PCDHGA10: variants seen among roughly 807,000 people sequenced by gnomAD.
The protein encoded by PCDHGA10 is protocadherin gamma-A10.
Under a neutral mutation model 59.5 loss-of-function variants are expected in PCDHGA10, and 42 were observed. The ratio of observed to expected loss-of-function variants is 0.71; its 90% CI spans 0.55 to 0.91. The LOEUF is 0.91. Ranked by LOEUF, PCDHGA10 falls within the 40% of genes least tolerant of loss-of-function variation. The pLI is 0.00. For missense variants in PCDHGA10, 1,111 were observed against 1,198.2 expected (o/e 0.93, Z 1.07); for synonymous variants, 511 against 517.2 (o/e 0.99, Z 0.16).
In PCDHGA10 at chr5:141,443,329, A is replaced by AC. The variant is rs58846402; in HGVS notation, c.2436+27719dup. 1.9e-4 allele frequency among the ~76,000 whole-genome samples: 29 copies of AC among 151,590 alleles called. No individual in the cohort carries two copies. In the East Asian group the frequency reaches 4.3e-3, roughly 22 times the overall value. ...AAACCCATCTCTACAAAAAAAAAAA[A>AC]CAAAAATTAACAAGGTTTAGTGGTC... On this transcript the variant is annotated intron_variant, in intron 1 of 3. Coordinates refer to ENST00000398610, the MANE Select transcript of PCDHGA10 (RefSeq NM_018913.3).
intron 1 of PCDHGA10, among the ~76,000 whole-genome samples, chr5:141,482,144 G>C (rs564178008): frequency 1.3e-4 from 20 of 151,858 alleles, no homozygotes; most frequent in Admixed American, 9.8e-4. Flanking sequence ...GGCATAAAAA[G>C]GTCAAGTCAA....
In PCDHGA10 at chr5:141,491,893, G is replaced by C. The variant is rs2099734820; in HGVS notation, c.2437-2914G>C. The C allele has an allele frequency of 6.9e-7, 1 of 1,438,856 alleles. No individual in the cohort carries two copies. The highest frequency in any genetic ancestry group is 9.2e-7 in the Non-Finnish European group (1 of 1,088,104). 89.1% of individuals were successfully genotyped at this position (1,438,856 alleles called of 1,614,324 possible). A position where few individuals can be genotyped will look rare whatever the true frequency, so the allele number is the denominator to read the frequency against. ...GGCCGATTAAGGGATGGGGCTCCGA[G>C]CACCGGGGGTGGTGGCGACTGTGGG... On this transcript the variant is annotated intron_variant, in intron 1 of 3. Coordinates refer to ENST00000398610, the MANE Select transcript of PCDHGA10 (RefSeq NM_018913.3). The surrounding 1 kb of genome is among the most constrained non-coding windows in gnomAD (Gnocchi z 6.9).
chr5:141,502,246 T>A (rs1449536622), intron 2 of PCDHGA10, among the ~76,000 whole-genome samples: 1 of 152,206 alleles, frequency 6.6e-6, no homozygotes, highest in African/African-American at 2.4e-5. Flanking sequence ...TTTATCCTTT[T>A]TTTTAATCCA....
At chr5:141,427,966 T>C (rs1458559803) in intron 1 of PCDHGA10, 10 of 1,590,764 alleles carry the variant, frequency 6.3e-6, no homozygotes, top group African/African-American at 1.3e-5. Flanking sequence ...CCGCGGGTGC[T>C]GTACCCCGCG....
At chr5:141,423,444 A>C (rs1340932902) in intron 1 of PCDHGA10, 1 of 1,614,050 alleles carries the variant, frequency 6.2e-7, no homozygotes. Flanking sequence ...TGCCCACGTC[A>C]CATTTTGTAG....
rs181202785 is a variant in PCDHGA10, at chr5:141,458,320, G to A, written c.2437-36487G>A. On this transcript the variant is annotated intron_variant, in intron 1 of 3. Transcript: ENST00000398610. ...TTTAGATAAAATGACACAGACACAT[G>A]TGGAGTGGTTTTAAGGAGTGGAGAG... is the stretch of plus-strand genomic sequence containing the variant. Among the ~76,000 whole-genome samples the A allele has an allele frequency of 3.2e-3, 490 of 152,250 alleles. 4 individuals are homozygous for A. The highest frequency in any genetic ancestry group is 0.017 in the Middle Eastern group (5 of 294).
At chr5:141,497,771 C>T (rs2099779314) in intron 2 of PCDHGA10, among the ~76,000 whole-genome samples, 1 of 152,154 alleles carries the variant, frequency 6.6e-6, no homozygotes, top group Non-Finnish European at 1.5e-5. Context: ...ACTCCCCGAC[C>T]TCAACTGATC....
rs1349935659 is a variant in PCDHGA10 at position 141,507,722 on chromosome 5, A to C, written c.2584+2241A>C. 6.6e-5 allele frequency among the ~76,000 whole-genome samples: 10 copies of C among 152,354 alleles called. No homozygotes were observed. In the East Asian group the frequency reaches 1.9e-3, roughly 29 times the overall value. ...ATTTATGGCCCCAAACCCTCCAAGC[A>C]AGTCATGCAGCTCGTTCCCCTGTCA... On this transcript the variant is annotated intron_variant, in intron 3 of 3. Coordinates refer to ENST00000398610, the MANE Select transcript of PCDHGA10 (RefSeq NM_018913.3).
intron 2 of PCDHGA10, among the ~76,000 whole-genome samples, chr5:141,501,092 C>A: frequency 6.6e-6 from 1 of 152,118 alleles, no homozygotes; most frequent in East Asian, 1.9e-4. Flanking sequence ...TGGTCTCAAT[C>A]TCTTGACCTC....
chr5:141,497,689 A>G (rs951295378), intron 2 of PCDHGA10, among the ~76,000 whole-genome samples: 1 of 151,958 alleles, frequency 6.6e-6, no homozygotes, highest in African/African-American at 2.4e-5. Flanking sequence ...GCAGGTGTGC[A>G]CCACCACACC....
chr5:141,458,918 A>C (rs1173274380), intron 1 of PCDHGA10, among the ~76,000 whole-genome samples: 1 of 152,022 alleles, frequency 6.6e-6, no homozygotes, highest in Non-Finnish European at 1.5e-5. Context: ...TTTTTTGTGG[A>C]GACGGGGTCT....
intron 2 of PCDHGA10, among the ~76,000 whole-genome samples, chr5:141,503,681 A>C (rs1313633991): frequency 6.6e-6 from 1 of 152,102 alleles, no homozygotes; most frequent in Non-Finnish European, 1.5e-5. Context: ...ACTTTTGGGA[A>C]GGAGAATTGA....
At chr5:141,420,062 T>G (rs759817545) in intron 1 of PCDHGA10, 1 of 1,614,066 alleles carries the variant, frequency 6.2e-7, no homozygotes, top group Non-Finnish European at 8.5e-7. Context: ...CTGCTCCAAG[T>G]CCGGACCTGT....
At chr5:141,478,629 T>A in intron 1 of PCDHGA10, 1 of 1,553,688 alleles carries the variant, frequency 6.4e-7, no homozygotes, top group Non-Finnish European at 8.7e-7. Context: ...AGCTGTTTTT[T>A]TAGTGATGAA....
At chr5:141,466,583 C>T (rs2099125595) in intron 1 of PCDHGA10, among the ~76,000 whole-genome samples, 1 of 152,184 alleles carries the variant, frequency 6.6e-6, no homozygotes, top group Admixed American at 6.6e-5. Flanking sequence ...CTCATCCCTT[C>T]TTAAAACAAG....
Position 141,447,048 on chromosome 5 carries a change from A to G in PCDHGA10, c.2436+31437A>G, listed in dbSNP as rs149112101. Among the ~76,000 whole-genome samples, 216 of 152,182 alleles carry G rather than the reference A, an allele frequency of 1.4e-3. 1 individual carries two copies. Among genetic ancestry groups the G allele is most frequent in the African/African-American group, 4.8e-3 (198 of 41,512 alleles). On this transcript the variant is annotated intron_variant, in intron 1 of 3. Transcript: ENST00000398610. ...GTTTTTTTTCTGTGTCTGGAATTCT[A>G]TTAAAATGTGTCAGGCTGTTTTAAT...
At chr5:141,460,848 C>A (rs528601988) in intron 1 of PCDHGA10, among the ~76,000 whole-genome samples, 1 of 150,236 alleles carries the variant, frequency 6.7e-6, no homozygotes, top group African/African-American at 2.4e-5. Context: ...GCCTCCAGTT[C>A]GATCCAAGTT....
In PCDHGA10 at chr5:141,423,840, A is replaced by G. The variant is rs189449471; in HGVS notation, c.2436+8229A>G. ...CTTTGCCTTTCATGAGATTACGATA[A>G]TCTTTCAGAACGTTTTTGTGAAAGT... On this transcript the variant is annotated intron_variant, in intron 1 of 3. Coordinates refer to ENST00000398610, the MANE Select transcript of PCDHGA10 (RefSeq NM_018913.3). 1,637 of 1,279,840 alleles carry G rather than the reference A, an allele frequency of 1.3e-3. 3 individuals carry two copies. The highest frequency in any genetic ancestry group is 1.5e-3 in the Non-Finnish European group (1,519 of 1,009,392). 79.3% of individuals were successfully genotyped at this position (1,279,840 alleles called of 1,614,324 possible).
At chr5:141,427,997 A>C (rs1471083920) in intron 1 of PCDHGA10, 2 of 1,600,232 alleles carry the variant, frequency 1.2e-6, no homozygotes, top group African/African-American at 2.7e-5. Flanking sequence ...ATGGCTCCGC[A>C]CTCTTCGATA....
Sources: allele counts gnomAD v4.1 joint callset (sites outside exome capture counted in the v4.1 genomes callset), GRCh38; gene constraint gnomAD v4.1.1; non-coding constraint Gnocchi (gnomAD v3.1); transcripts MANE v1.5; gene names NCBI Gene and HGNC (gene_info 2026-07-23, HGNC 2026-07-21).